The following PACRG variants were observed in gnomAD, a reference collection of about 807,000 sequenced individuals.
The protein encoded by PACRG is parkin coregulated gene protein.
PACRG carries 29 observed loss-of-function variants against 29.7 expected under a neutral mutation model. The observed-to-expected ratio is 0.98, with a 90% CI of 0.73 to 1.33. The LOEUF (loss-of-function observed/expected upper bound fraction) is 1.33, where lower values mean the gene tolerates loss of function less well. PACRG is among the 40% of genes most tolerant of loss of function. PACRG has a pLI of 0.00. For missense variants in PACRG, 279 were observed against 316.2 expected (o/e 0.88, Z 0.89); for synonymous variants, 116 against 118.7 (o/e 0.98, Z 0.15).
chr6:162,869,809 T>C (rs998525268), intron 2 of PACRG, among the ~76,000 whole-genome samples: 1 of 152,232 alleles, frequency 6.6e-6, no homozygotes, highest in Non-Finnish European at 1.5e-5. Context: ...ATTTTATTAT[T>C]ACTGTGAAAC....
intron 2 of PACRG, among the ~76,000 whole-genome samples, chr6:162,973,764 A>G (rs1187223850): frequency 4.6e-5 from 7 of 151,272 alleles, no homozygotes; most frequent in African/African-American, 2.4e-5. Flanking sequence ...GTGTGTGTGT[A>G]TGTGTGTGTG....
intron 4 of PACRG, among the ~76,000 whole-genome samples, chr6:163,179,980 A>G (rs531236202): frequency 3.9e-5 from 6 of 152,364 alleles, no homozygotes; most frequent in Non-Finnish European, 7.3e-5. Context: ...TGCTGGACAC[A>G]TGCCTGGCTG....
At chr6:163,224,825 A>G (rs946831447) in intron 4 of PACRG, among the ~76,000 whole-genome samples, 4 of 152,332 alleles carry the variant, frequency 2.6e-5, no homozygotes, top group South Asian at 4.1e-4. Context: ...GGCACAGGCA[A>G]CAAAAGCAAA....
rs550817522 is a variant in PACRG at position 163,246,192 on chromosome 6, A to G, written c.614-68635A>G. Among the ~76,000 whole-genome samples, 7 of 152,284 alleles carry G rather than the reference A, an allele frequency of 4.6e-5. No homozygotes were observed. The South Asian group carries it at 1.2e-3, about 27-fold the overall frequency. ...CAGTGCCCTTACCTTTGCATATAAG[A>G]GGTAACATCACCTCACCCTATGTAT... On this transcript the variant is annotated intron_variant, in intron 4 of 4. Transcript: ENST00000366888.
intron 2 of PACRG, among the ~76,000 whole-genome samples, chr6:162,888,082 G>A (rs1169571437): frequency 6.6e-6 from 1 of 152,066 alleles, no homozygotes; most frequent in East Asian, 1.9e-4. Flanking sequence ...GTCCTCATAT[G>A]CTGGTGAGCA....
Position 162,944,715 on chromosome 6 carries a change from A to G in PACRG, c.292-117435A>G, listed in dbSNP as rs1265700873. 2.0e-5 allele frequency among the ~76,000 whole-genome samples: 3 copies of G among 152,108 alleles called. No homozygotes were observed. The East Asian group carries it at 5.8e-4, about 29-fold the overall frequency. On this transcript the variant is annotated intron_variant, in intron 2 of 4. Coordinates refer to ENST00000366888, the MANE Select transcript of PACRG (RefSeq NM_001080379.2). Reference sequence around the variant, plus strand: ...TTTGAAAGCTTTAACAGTAGACTAGATCAAACAGAAGAAACAATTTCAAAA... The same window carrying G: ...TTTGAAAGCTTTAACAGTAGACTAGGTCAAACAGAAGAAACAATTTCAAAA...
intron 2 of PACRG, among the ~76,000 whole-genome samples, chr6:162,994,690 C>T (rs970812659): frequency 2.2e-5 from 3 of 139,268 alleles, no homozygotes; most frequent in Non-Finnish European, 4.5e-5. Flanking sequence ...GTTTGAATGT[C>T]CTCCCGTAGC....
At chr6:163,310,127 G>C (rs1298744460) in intron 4 of PACRG, 1 of 152,150 alleles carries the variant, frequency 6.6e-6, no homozygotes, top group African/African-American at 2.4e-5. Flanking sequence ...GCCCCAAAGC[G>C]TAAGAGTGAG....
intron 4 of PACRG, among the ~76,000 whole-genome samples, chr6:163,289,031 T>C (rs1784490678): frequency 6.6e-6 from 1 of 152,124 alleles, no homozygotes; most frequent in Admixed American, 6.5e-5. Flanking sequence ...GAGGACAGGC[T>C]CAAGGTCAGC....
At chr6:162,801,579 A>G (rs964725223) in intron 1 of PACRG, among the ~76,000 whole-genome samples, 1 of 152,110 alleles carries the variant, frequency 6.6e-6, no homozygotes, top group Non-Finnish European at 1.5e-5. Context: ...GTTTTTATTT[A>G]TGTTCATCAT....
In PACRG at chr6:163,046,935, G is replaced by A. The variant is rs1809462987; in HGVS notation, c.292-15215G>A. ...ATGCATAGCAAAATTGTATGCTGAT[G>A]TAAGAGACAACAGTGCCACTATCAT... On this transcript the variant is annotated intron_variant, in intron 2 of 4. Transcript: ENST00000366888. Among the ~76,000 whole-genome samples the A allele has an allele frequency of 2.6e-5, 4 of 152,232 alleles. No individual in the cohort carries two copies. The South Asian group carries it at 8.3e-4, about 32-fold the overall frequency.
At chr6:162,939,242 C>CA (rs1448628030) in intron 2 of PACRG, among the ~76,000 whole-genome samples, 3 of 152,132 alleles carry the variant, frequency 2.0e-5, no homozygotes, top group African/African-American at 7.2e-5. Context: ...TCACCTTATG[C>CA]AAAAATCAAC....
chr6:162,915,050 T>C (rs1008267028), intron 2 of PACRG, among the ~76,000 whole-genome samples: 12 of 151,982 alleles, frequency 7.9e-5, no homozygotes, highest in African/African-American at 2.9e-4. Flanking sequence ...GTAAAATGTT[T>C]AATAGACTTG....
chr6:163,299,690 C>T (rs970707569), intron 4 of PACRG, among the ~76,000 whole-genome samples: 5 of 152,148 alleles, frequency 3.3e-5, no homozygotes, highest in East Asian at 3.9e-4. Context: ...ACTAGCCTGG[C>T]CAACATAGTG....
At chr6:163,258,149 A>G (rs1225578329) in intron 4 of PACRG, among the ~76,000 whole-genome samples, 4 of 152,188 alleles carry the variant, frequency 2.6e-5, no homozygotes, top group Non-Finnish European at 5.9e-5. Context: ...TAAGCACAAT[A>G]TGGGCTCTTA....
At chr6:162,955,964 CATG>C (rs948383255) in intron 2 of PACRG, among the ~76,000 whole-genome samples, 6 of 152,146 alleles carry the variant, frequency 3.9e-5, no homozygotes, top group Admixed American at 3.3e-4. Context: ...AGCCTGGCGA[CATG>C]GTGGTGGTGG....
intron 2 of PACRG, among the ~76,000 whole-genome samples, chr6:162,932,170 G>T (rs375403309): frequency 6.6e-6 from 1 of 152,028 alleles, no homozygotes; most frequent in South Asian, 2.1e-4. Flanking sequence ...AAAGGAGTAC[G>T]TACTTTATGT....
intron 1 of PACRG, among the ~76,000 whole-genome samples, chr6:162,811,633 A>G (rs1186611243): frequency 1.3e-5 from 2 of 152,156 alleles, no homozygotes; most frequent in African/African-American, 2.4e-5. Context: ...AAGGTCATCA[A>G]CTTGTTAAAG....
In PACRG at chr6:163,312,508, C is replaced by T. The variant is rs1327870654; in HGVS notation, c.614-2319C>T. ...CCAACTCAAAGTCCTTCGTGGAAGG[C>T]TCCCCACAAGCGGAGCCACCGGGCT... On this transcript the variant is annotated intron_variant, in intron 4 of 4. Coordinates refer to ENST00000366888, the MANE Select transcript of PACRG (RefSeq NM_001080379.2). Among the ~76,000 whole-genome samples the T allele has an allele frequency of 2.7e-5, 4 of 145,680 alleles. No homozygotes were observed. In the East Asian group the frequency reaches 7.4e-4, roughly 27 times the overall value.
Sources: gnomAD v4.1 joint callset for allele counts (sites outside exome capture counted in the v4.1 genomes callset) on GRCh38, gnomAD v4.1.1 for gene constraint, MANE v1.5 for transcripts, NCBI Gene and HGNC (gene_info 2026-07-23, HGNC 2026-07-21) for gene names.